Variants in CROCC observed in about 807,000 individuals in gnomAD.
CROCC encodes the protein ciliary rootlet coiled-coil, rootletin.
A neutral mutation model predicts 245.2 loss-of-function variants in CROCC; 180 were observed. That is an observed-to-expected ratio of 0.73 (90% confidence interval 0.65 to 0.83). The LOEUF is 0.83. Ranked by LOEUF, CROCC falls within the 40% of genes least tolerant of loss-of-function variation. The pLI, the probability that CROCC is intolerant of heterozygous loss-of-function variation, is 0.00. For missense variants in CROCC, 2,688 were observed against 2,779.4 expected (o/e 0.97, Z 0.74); for synonymous variants, 1,205 against 1,241.6 (o/e 0.97, Z 0.62).
intron 25 of CROCC, among the ~76,000 whole-genome samples, chr1:16,957,383 G>A (rs1175078310): frequency 1.3e-5 from 2 of 151,974 alleles, no homozygotes; most frequent in Non-Finnish European, 2.9e-5. Context: ...CTCCAGCCTG[G>A]GCGACAAAGC....
At chr1:16,914,091 G>C (rs1255632415) in intron 1 of CROCC, among the ~76,000 whole-genome samples, 2 of 151,626 alleles carry the variant, frequency 1.3e-5, no homozygotes, top group African/African-American at 2.4e-5. Context: ...CGCCCGGTCC[G>C]GCCCGCTCGG....
Position 16,944,275 on chromosome 1 carries a change from G to C in CROCC, c.1984G>C (p.Glu662Gln), listed in dbSNP as rs1160114213. The change falls in exon 14 of 37, where the codon GAG becomes CAG. Residue 662 changes from glutamate to glutamine, a missense_variant. Physicochemically the swap from Glu to Gln is conservative, Grantham distance 29. Transcript: ENST00000375541. ...QDGARVRREL[E>Q]RSHRQLEQLE... The stretch of plus-strand genomic sequence containing the variant: ...TGGCGCGCGGGTGCGCCGGGAGCTT[G>C]AGCGCAGGTGAGCAGCATCTCGCCA... The C allele has an allele frequency of 3.3e-6, 5 of 1,535,452 alleles. No individual in the cohort carries two copies. Among genetic ancestry groups the C allele is most frequent in the Non-Finnish European group, 3.5e-6 (4 of 1,139,058 alleles).
chr1:16,951,335 CT>C (rs1161967163), intron 20 of CROCC: 5 of 423,518 alleles, frequency 1.2e-5, no homozygotes, highest in Admixed American at 4.4e-5. Context: ...CCTGGTAATC[CT>C]GATGCAGAGG....
At chr1:16,930,741 G>C in intron 7 of CROCC, 147 bp downstream of exon 7, 1 of 997,960 alleles carries the variant, frequency 1.0e-6, no homozygotes, top group African/African-American at 1.6e-5. Context: ...CACAATAGCT[G>C]GTCTTTATCA....
chr1:16,920,407 G>T (rs1181273147), upstream of CROCC, among the ~76,000 whole-genome samples: 6 of 152,206 alleles, frequency 3.9e-5, no homozygotes, highest in Non-Finnish European at 8.8e-5. Context: ...TGGCCAGGCT[G>T]GTCTCAAACT....
chr1:16,923,151 G>A (rs1373923681), intron 2 of CROCC, among the ~76,000 whole-genome samples: 1 of 152,284 alleles, frequency 6.6e-6, no homozygotes, highest in Non-Finnish European at 1.5e-5. Context: ...TCAGACCAGG[G>A]TTTTGCGGAA....
At chr1:16,932,952 C>T (rs1334100437) in intron 8 of CROCC, among the ~76,000 whole-genome samples, 1 of 152,286 alleles carries the variant, frequency 6.6e-6, no homozygotes, top group Non-Finnish European at 1.5e-5. Context: ...GCTGGGACTA[C>T]AGGTGCATGC....
rs1389256902 is a variant in CROCC at position 16,970,405 on chromosome 1, C to T, written c.5604C>T (p.Ala1868=). Residue 1868 remains alanine (A), a synonymous_variant, in exon 34 of 37, where the codon GCC becomes GCT. Coordinates refer to ENST00000375541, the MANE Select transcript of CROCC (RefSeq NM_014675.5). ...AGAAGCGGGAGGTGGAGCGCTCAGC[C>T]CTGCGGCTGGAGAAGGACCGTGTAG... ...EAEKREVERS[A]LRLEKDRVAL... 2.5e-6 allele frequency: 4 copies of T among 1,605,262 alleles called. No homozygotes were observed. Among genetic ancestry groups the T allele is most frequent in the Non-Finnish European group, 3.4e-6 (4 of 1,176,090 alleles).
In CROCC at chr1:16,922,909, C is replaced by T. The variant is rs201459632; in HGVS notation, c.196+111C>T. The T allele has an allele frequency of 1.2e-4, 168 of 1,430,818 alleles. No individual in the cohort carries two copies. The East Asian group carries it at 3.5e-3, about 30-fold the overall frequency. The allele number at this position is 1,430,818 out of a possible 1,614,324, so 88.6% of individuals were successfully genotyped here. ...ATCATGACTGTAACTCACTGTGGGG[C>T]AGGCACAGCTTTATGACAGAAGAAC... is the stretch of plus-strand genomic sequence containing the variant. On this transcript the variant is annotated intron_variant, in intron 2 of 36. Transcript: ENST00000375541.
rs568870623 is a variant in CROCC at position 16,929,708 on chromosome 1, C to G, written c.352-138C>G. On this transcript the variant is annotated intron_variant, in intron 3 of 36. Transcript: ENST00000375541. ...CGTGCACTGCCCCTGGGCTTGCCCA[C>G]ATGTGCTGCTCCCCAGGGCGCCAGG... 2.1e-6 allele frequency: 3 copies of G among 1,411,190 alleles called. No individual in the cohort carries two copies. The South Asian group carries it at 4.7e-5, about 22-fold the overall frequency. The allele number at this position is 1,411,190 out of a possible 1,614,324, so 87.4% of individuals were successfully genotyped here.
At chr1:16,923,038 T>G (rs1295823478) in intron 2 of CROCC, among the ~76,000 whole-genome samples, 21 of 152,284 alleles carry the variant, frequency 1.4e-4, no homozygotes, top group East Asian at 5.8e-4. Flanking sequence ...CCTGCGTGCT[T>G]GCCTGTAGCC....
Position 16,961,114 on chromosome 1 carries a change from G to C in CROCC, c.4389G>C (p.Arg1463=). 1 of 1,354,884 alleles carries C rather than the reference G, an allele frequency of 7.4e-7. No individual in the cohort carries two copies. The highest frequency in any genetic ancestry group is 1.5e-5 in the African/African-American group (1 of 65,278). 83.9% of individuals were successfully genotyped at this position (1,354,884 alleles called of 1,614,324 possible). Residue 1463 remains arginine (R), a synonymous_variant, in exon 27 of 37, where the codon CGG becomes CGC. Transcript: ENST00000375541. ...APRPVPGSPA[R]DAPAEGSGEG... Reference sequence around the variant, plus strand: ...GGCCAGTGCCCGGTTCCCCTGCCCGGGACGCACCCGCAGAAGGTAAGGGCA... The same window carrying C: ...GGCCAGTGCCCGGTTCCCCTGCCCGCGACGCACCCGCAGAAGGTAAGGGCA...
At chr1:16,944,923 C>T (rs1367617534) in intron 14 of CROCC, among the ~76,000 whole-genome samples, 2 of 152,274 alleles carry the variant, frequency 1.3e-5, no homozygotes, top group African/African-American at 2.4e-5. Context: ...CTATTTTAAG[C>T]ACATGTGAAG....
intron 12 of CROCC, 82 bp from the exon 13 acceptor site, chr1:16,939,812 T>C (rs2100422512): frequency 1.3e-6 from 2 of 1,504,758 alleles, no homozygotes; most frequent in East Asian, 4.5e-5. Context: ...TAGGCTAGTG[T>C]GTATCCCTGG....
At position 16,929,987 on chromosome 1, in the gene CROCC, G is replaced by C. The variant is rs1465400438; in HGVS notation, c.493G>C (p.Gly165Arg). 4.4e-6 allele frequency: 7 copies of C among 1,587,002 alleles called. No homozygotes were observed. In the African/African-American group the frequency reaches 9.4e-5, roughly 21 times the overall value. ...YRRKLQAYQEGQQRQAQLVQR... is the reference protein window; with the variant it reads ...YRRKLQAYQERQQRQAQLVQR... Reference sequence around the variant, plus strand: ...GCGCAAGCTGCAGGCCTACCAGGAGGGCCAGCAGCGGCAGGCCCAGCTTGT... The same window carrying C: ...GCGCAAGCTGCAGGCCTACCAGGAGCGCCAGCAGCGGCAGGCCCAGCTTGT... Residue 165 changes from glycine to arginine, a missense_variant, in exon 4 of 37, where the codon GGC (glycine) becomes CGC (arginine). Physicochemically the swap from Gly to Arg is moderately radical, Grantham distance 125 (BLOSUM62 -2). This residue lies in a region of CROCC where 972 missense variants were observed against 895.3 expected (regional missense o/e 1.09). Transcript: ENST00000375541.
chr1:16,966,650 C>T lies in CROCC; in HGVS notation c.4860+79C>T. 1 of 1,397,670 alleles carries T rather than the reference C, an allele frequency of 7.2e-7. No individual in the cohort carries two copies. Among genetic ancestry groups the T allele is most frequent in the South Asian group, 1.5e-5 (1 of 65,638 alleles). 86.6% of individuals were successfully genotyped at this position (1,397,670 alleles called of 1,614,324 possible). On this transcript the variant is annotated intron_variant, in intron 30 of 36. Transcript: ENST00000375541. The surrounding 1 kb of genome is among the most constrained non-coding windows in gnomAD (Gnocchi z 4.8). ...AGTGTCTAACTCTTATGTGTGTCTC[C>T]CTGTGTCTGTCTGCCTGAGTCTCTC... is the stretch of plus-strand genomic sequence containing the variant.
chr1:16,938,152 C>T (rs1314253349), intron 10 of CROCC, among the ~76,000 whole-genome samples: 3 of 109,526 alleles, frequency 2.7e-5, no homozygotes, highest in South Asian at 6.6e-4. Context: ...CTGTGTGGGG[C>T]CTGGCCTGGG....
At chr1:16,959,533 G>A (rs1280381771) in intron 26 of CROCC, among the ~76,000 whole-genome samples, 1 of 152,200 alleles carries the variant, frequency 6.6e-6, no homozygotes, top group Non-Finnish European at 1.5e-5. Flanking sequence ...GGCTAGCACA[G>A]CCGAGCATGT....
At chr1:16,947,288 C>G (rs1216418738) in intron 17 of CROCC, among the ~76,000 whole-genome samples, 1 of 152,246 alleles carries the variant, frequency 6.6e-6, no homozygotes, top group East Asian at 1.9e-4. Context: ...ACCATCCTGG[C>G]TAACACGGTG....
Sources: allele counts gnomAD v4.1 joint callset (sites outside exome capture counted in the v4.1 genomes callset), GRCh38; gene constraint gnomAD v4.1.1; regional missense constraint gnomAD v4.1.1; non-coding constraint Gnocchi (gnomAD v3.1); transcripts MANE v1.5; gene names NCBI Gene and HGNC (gene_info 2026-07-23, HGNC 2026-07-21).